Variants in FBXL13 observed in about 807,000 individuals in gnomAD.
FBXL13 encodes the protein F-box and leucine-rich repeat protein 13.
FBXL13 carries 67 observed loss-of-function variants against 83.6 expected under a neutral mutation model. That is an observed-to-expected ratio of 0.80 (90% CI 0.66 to 0.98). FBXL13 has a LOEUF of 0.98. Among genes scored for constraint, FBXL13 ranks in the 50% least tolerant of loss-of-function variants. The probability of loss-of-function intolerance (pLI) is 0.00; values close to 1 mark genes in which losing one functional copy is unlikely to be tolerated. For synonymous variants in FBXL13, 272 were observed against 299.5 expected (o/e 0.91, Z 0.95); for missense variants, 822 against 866.5 (o/e 0.95, Z 0.64).
intron 9 of FBXL13, among the ~76,000 whole-genome samples, chr7:102,930,868 T>C (rs548007345): frequency 4.5e-4 from 69 of 152,342 alleles, no homozygotes; most frequent in African/African-American, 1.6e-3. Flanking sequence ...GCCTACTTGG[T>C]ATCTCCAGAT....
chr7:103,029,715 T>C (rs556373769), intron 2 of FBXL13, among the ~76,000 whole-genome samples: 2 of 152,286 alleles, frequency 1.3e-5, no homozygotes, highest in East Asian at 1.9e-4. Context: ...ATATTTATAA[T>C]AGTATAGAAT....
At chr7:102,821,278 C>G (rs556698470) in intron 19 of FBXL13, among the ~76,000 whole-genome samples, 1 of 152,202 alleles carries the variant, frequency 6.6e-6, no homozygotes, top group Non-Finnish European at 1.5e-5. Context: ...CCCCTTCTCT[C>G]TGATCCAACT....
intron 6 of FBXL13, among the ~76,000 whole-genome samples, chr7:103,000,688 A>G (rs1790292756): frequency 6.6e-6 from 1 of 152,164 alleles, no homozygotes; most frequent in South Asian, 2.1e-4. Context: ...TGGGGTGTTG[A>G]AGTCCCCTAC....
intron 11 of FBXL13, among the ~76,000 whole-genome samples, chr7:102,908,476 C>T (rs1012871752): frequency 2.6e-5 from 4 of 152,150 alleles, no homozygotes; most frequent in African/African-American, 7.2e-5. Flanking sequence ...CAGTATTCTT[C>T]GGTGTCTGGG....
At chr7:102,821,914 A>C in intron 19 of FBXL13, 126 bp downstream of exon 20, 4 of 1,121,054 alleles carry the variant, frequency 3.6e-6, no homozygotes, top group Non-Finnish European at 5.1e-6. Flanking sequence ...CAATTAGGCA[A>C]AAAATAAAAT....
chr7:102,900,631 C>G (rs1310450898), intron 11 of FBXL13, among the ~76,000 whole-genome samples: 1 of 152,118 alleles, frequency 6.6e-6, no homozygotes, highest in African/African-American at 2.4e-5. Context: ...CACTCAGAAG[C>G]AGTAACATTC....
At chr7:102,917,775 G>A (rs1816194576) in intron 10 of FBXL13, among the ~76,000 whole-genome samples, 1 of 152,194 alleles carries the variant, frequency 6.6e-6, no homozygotes, top group Non-Finnish European at 1.5e-5. Context: ...ATTGAAGGGA[G>A]GAGAGACCAG....
chr7:102,878,368 G>C, exon 15 of FBXL13: 1 of 1,608,644 alleles, frequency 6.2e-7, no homozygotes, highest in Non-Finnish European at 8.5e-7. Flanking sequence ...TCACTTAGCC[G>C]CACACAGTTG....
intron 6 of FBXL13, among the ~76,000 whole-genome samples, chr7:102,975,210 T>C (rs1374899606): frequency 6.6e-6 from 1 of 152,206 alleles, no homozygotes; most frequent in South Asian, 2.1e-4. Flanking sequence ...TTAAAGTTTA[T>C]GTTCCCCTCT....
At chr7:102,933,561 T>C (rs1326610894) in intron 8 of FBXL13, 1 of 165,432 alleles carries the variant, frequency 6.0e-6, no homozygotes, top group Non-Finnish European at 1.3e-5. Context: ...ATGACCCAGG[T>C]TGATACAGTT....
intron 1 of FBXL13, among the ~76,000 whole-genome samples, chr7:103,068,128 G>A (rs1246036353): frequency 1.3e-5 from 2 of 152,158 alleles, no homozygotes; most frequent in Non-Finnish European, 2.9e-5. Context: ...AAGATAACTG[G>A]AAGAAAGGTC....
chr7:103,044,925 G>A (rs764758334), intron 2 of FBXL13, among the ~76,000 whole-genome samples: 3 of 151,986 alleles, frequency 2.0e-5, no homozygotes, highest in South Asian at 2.1e-4. Context: ...GTATTCACTC[G>A]TCTTTAAGTA....
At chr7:102,883,400 A>C (rs1395512874) in exon 14 of FBXL13, 1 of 1,613,686 alleles carries the variant, frequency 6.2e-7, no homozygotes, top group Non-Finnish European at 8.5e-7. Flanking sequence ...CAGCCATATA[A>C]ATGTGACTGA....
exon 18 of FBXL13, chr7:102,832,937 T>A: frequency 6.2e-7 from 1 of 1,614,142 alleles, no homozygotes; most frequent in Non-Finnish European, 8.5e-7. Context: ...ATAAGAGACA[T>A]CCAAATGTTC....
chr7:102,815,767 A>G lies in FBXL13; in HGVS notation c.2019-2236T>C, dbSNP rs144290901. ...GGCTCTAGATAACTGGTAAGAGGATAAGTACTACTAATGATAAGTCTGGGA... is the reference window on the plus strand; with the variant it reads ...GGCTCTAGATAACTGGTAAGAGGATGAGTACTACTAATGATAAGTCTGGGA... On this transcript the variant is annotated intron_variant, in intron 19 of 19. Transcript: ENST00000313221. Among the ~76,000 whole-genome samples the G allele has an allele frequency of 4.6e-4, 70 of 152,234 alleles. No individual in the cohort carries two copies. In the East Asian group the frequency reaches 0.011, roughly 24 times the overall value.
chr7:102,881,579 G>C (rs1810095983), intron 14 of FBXL13, among the ~76,000 whole-genome samples: 1 of 150,490 alleles, frequency 6.6e-6, no homozygotes, highest in East Asian at 2.0e-4. Context: ...TGTGTGTGGG[G>C]GGGGTGGGTG....
chr7:102,853,912 C>T (rs1250905895), intron 17 of FBXL13, among the ~76,000 whole-genome samples: 2 of 152,148 alleles, frequency 1.3e-5, no homozygotes, highest in Non-Finnish European at 2.9e-5. Context: ...AACACTTTTA[C>T]ACTGTCGGTG....
chr7:102,874,349 G>A lies in FBXL13; in HGVS notation c.1635+3118C>T, dbSNP rs1327285312. ...TAGCTTCCTCAGCTGTTGTAGCACT[G>A]TAATTGTCAATCATTTGCCTTTTAG... On this transcript the variant is annotated intron_variant, in intron 16 of 19. Coordinates refer to ENST00000313221, the Ensembl canonical transcript of FBXL13. The A allele has an allele frequency of 3.0e-6, 3 of 985,226 alleles. No individual in the cohort carries two copies. The African/African-American group carries it at 5.2e-5, about 17-fold the overall frequency. 61.0% of individuals were successfully genotyped at this position (985,226 alleles called of 1,614,324 possible).
At chr7:102,946,427 G>C (rs1040664972) in intron 8 of FBXL13, among the ~76,000 whole-genome samples, 1 of 152,296 alleles carries the variant, frequency 6.6e-6, no homozygotes, top group South Asian at 2.1e-4. Context: ...AGTTATCCTT[G>C]TCCATGGCTG....
Sources: gnomAD v4.1 joint callset for allele counts (sites outside exome capture counted in the v4.1 genomes callset) on GRCh38, gnomAD v4.1.1 for gene constraint, MANE v1.5 for transcripts, NCBI Gene and HGNC (gene_info 2026-07-23, HGNC 2026-07-21) for gene names.